The following RANBP17 variants were observed in gnomAD, a reference collection of about 807,000 sequenced individuals.
RANBP17 encodes the protein ran-binding protein 17.
RANBP17 carries 158 observed loss-of-function variants against 141.2 expected under a neutral mutation model. The observed-to-expected ratio is 1.12, with a 90% CI of 0.98 to 1.28. The LOEUF is 1.28. Among genes scored for constraint, RANBP17 ranks in the 50% most tolerant of loss-of-function variants. The pLI is 0.00. For synonymous variants in RANBP17, 430 were observed against 450.0 expected (o/e 0.96, Z 0.56); for missense variants, 1,438 against 1,290.7 (o/e 1.11, Z -1.75).
intron 14 of RANBP17, among the ~76,000 whole-genome samples, chr5:171,088,684 ACTT>A (rs1347030234): frequency 6.6e-6 from 1 of 151,632 alleles, no homozygotes; most frequent in Non-Finnish European, 1.5e-5. Flanking sequence ...TTTTCTCTAA[ACTT>A]CCCTTCTCGC....
chr5:170,932,935 T>A (rs1318954690), intron 12 of RANBP17, among the ~76,000 whole-genome samples: 1 of 152,218 alleles, frequency 6.6e-6, no homozygotes, highest in Non-Finnish European at 1.5e-5. Flanking sequence ...TAAAATAAAT[T>A]AGGGAGGATT....
intron 25 of RANBP17, 152 bp downstream of exon 25, chr5:171,265,999 C>T (rs1191573035): frequency 8.0e-6 from 5 of 627,420 alleles, no homozygotes; most frequent in African/African-American, 1.9e-5. Context: ...TTTCCCTGAA[C>T]GTGGAGGGAA....
intron 14 of RANBP17, among the ~76,000 whole-genome samples, chr5:171,154,520 T>A (rs1463392529): frequency 6.6e-6 from 1 of 152,188 alleles, no homozygotes; most frequent in Non-Finnish European, 1.5e-5. Context: ...CCTCAAATGA[T>A]CTGCCCACCT....
intron 14 of RANBP17, among the ~76,000 whole-genome samples, chr5:171,040,413 T>C (rs189655019): frequency 6.6e-6 from 1 of 152,326 alleles, no homozygotes; most frequent in Admixed American, 6.5e-5. Flanking sequence ...ACTGCTGGCA[T>C]AAATAGGTTT....
intron 14 of RANBP17, among the ~76,000 whole-genome samples, chr5:171,026,647 T>C (rs1368249339): frequency 2.6e-5 from 4 of 152,174 alleles, no homozygotes; most frequent in Non-Finnish European, 5.9e-5. Flanking sequence ...CGTGAAGGAG[T>C]ATTGAAATTT....
rs773065558 is a variant in RANBP17 at position 170,958,382 on chromosome 5, GC to G, written c.1574+4681del. 2.0e-5 allele frequency among the ~76,000 whole-genome samples: 3 copies of G among 152,256 alleles called. No individual in the cohort carries two copies. The East Asian group carries it at 5.8e-4, about 29-fold the overall frequency. On this transcript the variant is annotated intron_variant, in intron 13 of 27. Coordinates refer to ENST00000523189, the MANE Select transcript of RANBP17 (RefSeq NM_022897.5). ...AGAAACTGTGAGAGTCTTTTCTGGG[GC>G]TACAAGACAAGTGGCTGAAGCCAGG...
At chr5:171,291,100 C>T (rs1197473720) in intron 25 of RANBP17, among the ~76,000 whole-genome samples, 1 of 152,196 alleles carries the variant, frequency 6.6e-6, no homozygotes, top group Non-Finnish European at 1.5e-5. Context: ...ACGTTGGTTT[C>T]TCTTCATTGA....
chr5:170,907,110 C>T (rs1327874191), intron 5 of RANBP17, among the ~76,000 whole-genome samples: 2 of 151,816 alleles, frequency 1.3e-5, no homozygotes, highest in African/African-American at 2.4e-5. Context: ...GTATCCATAA[C>T]AGGATGTGTC....
At chr5:170,959,224 A>G (rs1775960848) in intron 13 of RANBP17, among the ~76,000 whole-genome samples, 1 of 152,074 alleles carries the variant, frequency 6.6e-6, no homozygotes, top group African/African-American at 2.4e-5. Flanking sequence ...ACTAGCTCAG[A>G]GTTTTCCTCT....
At chr5:171,110,367 T>C in intron 14 of RANBP17, among the ~76,000 whole-genome samples, 1 of 152,206 alleles carries the variant, frequency 6.6e-6, no homozygotes, top group Non-Finnish European at 1.5e-5. Context: ...TGTAACCTTG[T>C]CCGCTCTCTT....
intron 24 of RANBP17, among the ~76,000 whole-genome samples, chr5:171,257,118 A>G (rs1462035616): frequency 6.6e-6 from 1 of 152,166 alleles, no homozygotes; most frequent in African/African-American, 2.4e-5. Context: ...AGGACACAAC[A>G]AAAAAACTAC....
At chr5:170,877,618 G>T (rs1768295709) in intron 1 of RANBP17, among the ~76,000 whole-genome samples, 1 of 152,134 alleles carries the variant, frequency 6.6e-6, no homozygotes, top group Non-Finnish European at 1.5e-5. Flanking sequence ...ACTTGTGCAT[G>T]ATCATTTCCC....
intron 15 of RANBP17, 41 bp downstream of exon 15, chr5:171,170,244 G>T (rs1760004958): frequency 1.8e-6 from 2 of 1,092,252 alleles, no homozygotes; most frequent in East Asian, 5.1e-5. Flanking sequence ...TTTTGTTGTT[G>T]TTTTAAATGT....
chr5:170,870,901 A>G (rs543910730), intron 1 of RANBP17, among the ~76,000 whole-genome samples: 1 of 152,296 alleles, frequency 6.6e-6, no homozygotes, highest in East Asian at 1.9e-4. Context: ...TGACTTTTTA[A>G]TAATCACCAT....
intron 24 of RANBP17, among the ~76,000 whole-genome samples, chr5:171,254,223 G>A: frequency 6.7e-6 from 1 of 150,154 alleles, no homozygotes; most frequent in Middle Eastern, 3.4e-3. Context: ...CTCCAGCCTG[G>A]GCAACAGAGC....
At position 170,876,492 on chromosome 5, in the gene RANBP17, G is replaced by A. The variant is rs116066477; in HGVS notation, c.19-1605G>A. On this transcript the variant is annotated intron_variant, in intron 1 of 27. Coordinates refer to ENST00000523189, the MANE Select transcript of RANBP17 (RefSeq NM_022897.5). ...GTGAACAGTATGTAGTAGTAATCTG[G>A]GTTTGTTTGGGCTAATCTAGGTGGG... Among the ~76,000 whole-genome samples, 1,137 of 152,064 alleles carry A rather than the reference G, an allele frequency of 7.5e-3. 14 individuals carry two copies. The highest frequency in any genetic ancestry group is 0.026 in the African/African-American group (1,076 of 41,482).
At position 170,895,201 on chromosome 5, in the gene RANBP17, T is replaced by A. The variant is rs981677423; in HGVS notation, c.424-849T>A. The stretch of plus-strand genomic sequence containing the variant: ...CTGAGATAATTTGAATTTAATTACA[T>A]CCAGTGATAATGGAATTCTGTGATA... On this transcript the variant is annotated intron_variant, in intron 4 of 27. Coordinates refer to ENST00000523189, the MANE Select transcript of RANBP17 (RefSeq NM_022897.5). Among the ~76,000 whole-genome samples, 3 of 152,326 alleles carry A rather than the reference T, an allele frequency of 2.0e-5. No individual in the cohort carries two copies. The East Asian group carries it at 5.8e-4, about 29-fold the overall frequency.
At chr5:171,265,940 A>G (rs1766643862) in intron 25 of RANBP17, 93 bp downstream of exon 25, 7 of 1,113,392 alleles carry the variant, frequency 6.3e-6, no homozygotes, top group South Asian at 1.5e-5. Flanking sequence ...GGTCTTGCCA[A>G]GACTTTTTAT....
At chr5:171,150,242 C>T (rs1032654894) in intron 14 of RANBP17, among the ~76,000 whole-genome samples, 9 of 151,890 alleles carry the variant, frequency 5.9e-5, no homozygotes, top group Non-Finnish European at 1.2e-4. Context: ...AGAATAATTA[C>T]TTTTTAATTT....
Sources: gnomAD v4.1 joint callset for allele counts (sites outside exome capture counted in the v4.1 genomes callset) on GRCh38, gnomAD v4.1.1 for gene constraint, MANE v1.5 for transcripts, NCBI Gene and HGNC (gene_info 2026-07-23, HGNC 2026-07-21) for gene names.